Variants in SLC5A10 observed in about 807,000 individuals in gnomAD.
The protein encoded by SLC5A10 is solute carrier family 5 member 10.
SLC5A10 carries 55 observed loss-of-function variants against 68.9 expected under a neutral mutation model. The observed-to-expected ratio is 0.80, with a 90% CI of 0.64 to 1.00. The LOEUF is 1.00. SLC5A10 is among the 50% of genes least tolerant of loss of function. The pLI is 0.00. For synonymous variants in SLC5A10, 344 were observed against 344.8 expected (o/e 1.00, Z 0.02); for missense variants, 732 against 819.3 (o/e 0.89, Z 1.30).
intron 9 of SLC5A10, among the ~76,000 whole-genome samples, chr17:18,980,629 G>A (rs553163883): frequency 2.6e-5 from 4 of 152,318 alleles, no homozygotes; most frequent in South Asian, 2.1e-4. Context: ...TGTGAGGGAG[G>A]AGCAGATGGT....
At chr17:18,988,985 G>C (rs1307029573) in intron 9 of SLC5A10, among the ~76,000 whole-genome samples, 1 of 152,228 alleles carries the variant, frequency 6.6e-6, no homozygotes, top group Non-Finnish European at 1.5e-5. Flanking sequence ...ACATGCAGAA[G>C]GACAGGATGA....
At position 19,022,030 on chromosome 17, in the gene SLC5A10, A is replaced by G. The variant is rs1456099860; in HGVS notation, c.*1599A>G. On this transcript the variant is annotated 3_prime_UTR_variant, in exon 15 of 15. Transcript: ENST00000395645. Reference sequence around the variant, plus strand: ...CGCCCGCAGGACCGGCCCCGCCACCAGTGGGGGTCTGGGCGCTCCAGGACC... The same window carrying G: ...CGCCCGCAGGACCGGCCCCGCCACCGGTGGGGGTCTGGGCGCTCCAGGACC... 2 of 1,600,296 alleles carry G rather than the reference A, an allele frequency of 1.2e-6. No homozygotes were observed. Among genetic ancestry groups the G allele is most frequent in the South Asian group, 2.2e-5 (2 of 89,028 alleles).
Position 18,969,373 on chromosome 17 carries a change from C to T in SLC5A10, c.591C>T (p.Ala197=). Reference sequence around the variant, plus strand: ...TGGCTGCTGTAATCTACACGGACGCCCTGCAGACGCTCATCATGGTGGTGG... The same window carrying T: ...TGGCTGCTGTAATCTACACGGACGCTCTGCAGACGCTCATCATGGTGGTGG... ...GGLAAVIYTD[A]LQTLIMVVGA... Residue 197 remains alanine, a synonymous_variant, in exon 7 of 15, where the codon GCC becomes GCT. Transcript: ENST00000395645. 6.2e-7 allele frequency: 1 copy of T among 1,613,734 alleles called. No individual in the cohort carries two copies. Among genetic ancestry groups the T allele is most frequent in the Non-Finnish European group, 8.5e-7 (1 of 1,180,022 alleles).
At chr17:19,010,549 CACAA>C (rs1202871247) in intron 9 of SLC5A10, among the ~76,000 whole-genome samples, 5 of 152,208 alleles carry the variant, frequency 3.3e-5, no homozygotes, top group Admixed American at 2.6e-4. Flanking sequence ...TGCTGCTCAG[CACAA>C]ACACTTGGTC....
upstream of SLC5A10, chr17:18,951,942 C>CCCG (rs2042375186): frequency 2.1e-6 from 1 of 465,916 alleles, no homozygotes; most frequent in African/African-American, 2.0e-5. Flanking sequence ...CCTCCGAGTT[C>CCCG]AAGGAGGCTC....
chr17:18,978,307 G>T, intron 9 of SLC5A10: 1 of 1,610,782 alleles, frequency 6.2e-7, no homozygotes, highest in East Asian at 2.2e-5. Flanking sequence ...CGCTGGCCTG[G>T]GAGGTGTCAC....
chr17:19,015,315 G>A, intron 11 of SLC5A10, 116 bp downstream of exon 11: 2 of 735,646 alleles, frequency 2.7e-6, no homozygotes, highest in Admixed American at 2.7e-5. Context: ...TGCCAGGAAG[G>A]AGGGAAGAGA....
At chr17:19,007,244 G>T (rs2043913541) in intron 9 of SLC5A10, among the ~76,000 whole-genome samples, 1 of 141,194 alleles carries the variant, frequency 7.1e-6, no homozygotes, top group African/African-American at 2.6e-5. Flanking sequence ...ATCTTATTGT[G>T]GCTTAAATTT....
chr17:18,993,753 G>A (rs2043491934), intron 9 of SLC5A10, among the ~76,000 whole-genome samples: 1 of 152,200 alleles, frequency 6.6e-6, no homozygotes. Context: ...GATGGCAGAT[G>A]CCCAGACAGT....
Position 19,019,711 on chromosome 17 carries a change from AG to A in SLC5A10, c.1414del. 1 of 1,608,948 alleles carries A rather than the reference AG, an allele frequency of 6.2e-7. No individual in the cohort carries two copies. On this transcript the variant is annotated splice_acceptor_variant, in intron 12 of 14. Coordinates refer to ENST00000395645, the MANE Select transcript of SLC5A10 (RefSeq NM_001042450.4). LOFTEE classifies it high-confidence loss of function. ...CACATGCCCTGCCTCCCTCCTCCCC[AG>A]GGGGCCTTCTGGGGCCTGATAGCAG... is the stretch of plus-strand genomic sequence containing the variant.
At chr17:19,001,232 C>T (rs933428015) in intron 9 of SLC5A10, among the ~76,000 whole-genome samples, 3 of 152,226 alleles carry the variant, frequency 2.0e-5, no homozygotes, top group Non-Finnish European at 1.5e-5. Flanking sequence ...ACAGATGTGG[C>T]AGGGAAGGAA....
rs559868311 is a variant in SLC5A10, at chr17:19,004,210, C to G, written c.983-9200C>G. 5 of 177,684 alleles carry G rather than the reference C, an allele frequency of 2.8e-5. No homozygotes were observed. The highest frequency in any genetic ancestry group is 1.6e-4 in the South Asian group (2 of 12,238). The allele number at this position is 177,684 out of a possible 1,614,324, so 11.0% of individuals were successfully genotyped here. A position where few individuals can be genotyped will look rare whatever the true frequency, so the allele number is the denominator to read the frequency against. ...GATGAGCCCGGCTCGGCGGGGAGGG[C>G]GGGCCGCGCGGGGAGGGGCGGCGGG... On this transcript the variant is annotated intron_variant, in intron 9 of 14. Transcript: ENST00000395645. The surrounding 1 kb of genome is among the most constrained non-coding windows in gnomAD (Gnocchi z 5.4).
chr17:18,977,529 G>T, intron 9 of SLC5A10: 1 of 1,529,526 alleles, frequency 6.5e-7, no homozygotes. Context: ...TCGAGCTCTT[G>T]GGTGGCTGGC....
At chr17:19,009,260 C>T (rs753657701) in intron 9 of SLC5A10, among the ~76,000 whole-genome samples, 3 of 152,180 alleles carry the variant, frequency 2.0e-5, no homozygotes, top group East Asian at 1.9e-4. Flanking sequence ...GGTGCAATCA[C>T]GGTTCACTGC....
intron 9 of SLC5A10, chr17:18,988,192 C>T: frequency 6.3e-7 from 1 of 1,584,978 alleles, no homozygotes; most frequent in Non-Finnish European, 8.6e-7. Flanking sequence ...TGTTTGTTGA[C>T]AGACTGAATG....
chr17:18,982,752 C>A (rs951111127), intron 9 of SLC5A10, among the ~76,000 whole-genome samples: 1 of 152,290 alleles, frequency 6.6e-6, no homozygotes, highest in East Asian at 1.9e-4. Context: ...CCCGCTGGTG[C>A]GAGGCAGAGG....
chr17:18,969,742 G>A (rs1036950728), intron 7 of SLC5A10: 5 of 316,610 alleles, frequency 1.6e-5, no homozygotes, highest in Admixed American at 9.5e-5. Context: ...GGCTGTAGGC[G>A]GGTGTGAAGG....
chr17:18,984,065 G>A (rs535114831), intron 9 of SLC5A10, among the ~76,000 whole-genome samples: 14 of 152,262 alleles, frequency 9.2e-5, no homozygotes, highest in East Asian at 1.9e-4. Context: ...TGCCTTGGCC[G>A]GGCGCGGTGG....
chr17:18,950,918 G>A (rs2042359367), upstream of SLC5A10: 1 of 156,376 alleles, frequency 6.4e-6, no homozygotes, highest in Non-Finnish European at 1.4e-5. Flanking sequence ...GTTTTGCCAT[G>A]TTGGCCAGGC....
Sources: allele counts gnomAD v4.1 joint callset (sites outside exome capture counted in the v4.1 genomes callset), GRCh38; gene constraint gnomAD v4.1.1; non-coding constraint Gnocchi (gnomAD v3.1); transcripts MANE v1.5; gene names NCBI Gene and HGNC (gene_info 2026-07-23, HGNC 2026-07-21).